ZNF654: variants seen among roughly 807,000 people sequenced by gnomAD.
The protein encoded by ZNF654 is melanoma-associated antigen.
ZNF654 carries 19 observed loss-of-function variants against 95.3 expected under a neutral mutation model. The ratio of observed to expected loss-of-function variants is 0.20; its 90% CI spans 0.14 to 0.29. The LOEUF is 0.29. Ranked by LOEUF, ZNF654 falls within the 10% of genes least tolerant of loss-of-function variation. The probability of loss-of-function intolerance (pLI) is 1.00; values close to 1 mark genes in which losing one functional copy is unlikely to be tolerated. For synonymous variants in ZNF654, 413 were observed against 457.9 expected (o/e 0.90, Z 1.25); for missense variants, 1,046 against 1,341.0 (o/e 0.78, Z 3.44).
Position 88,128,306 on chromosome 3 carries a change from TTTAAA to T in ZNF654, c.551-501_551-497del, listed in dbSNP as rs572249885. On this transcript the variant is annotated intron_variant, in intron 4 of 8. Transcript: ENST00000636215. Reference sequence around the variant, plus strand: ...GCACTACTTTTGGATTAATTTTATCTTTAAATAAAATATATTTTTCTTGTGATTCA... The same window carrying T: ...GCACTACTTTTGGATTAATTTTATCTTAAAATATATTTTTCTTGTGATTCA... Among the ~76,000 whole-genome samples, 440 of 152,264 alleles carry T rather than the reference TTTAAA, an allele frequency of 2.9e-3. 5 individuals are homozygous for T. Among genetic ancestry groups the T allele is most frequent in the African/African-American group, 0.01 (433 of 41,590 alleles).
intron 1 of ZNF654, among the ~76,000 whole-genome samples, chr3:88,063,147 A>T (rs1335705773): frequency 1.3e-5 from 2 of 152,160 alleles, no homozygotes; most frequent in Admixed American, 6.5e-5. Context: ...TGCTGCTGAC[A>T]TCTAGTGCAT....
chr3:88,138,779 C>A lies in ZNF654; in HGVS notation c.1110C>A (p.Pro370=). 8.1e-7 allele frequency: 1 copy of A among 1,232,008 alleles called. No individual in the cohort carries two copies. Among genetic ancestry groups the A allele is most frequent in the Non-Finnish European group, 1.0e-6 (1 of 987,908 alleles). 76.3% of individuals were successfully genotyped at this position (1,232,008 alleles called of 1,614,324 possible). ...CALQLDLHDD[P]KTKCLIYKTI... Reference sequence around the variant, plus strand: ...TACAACTCGACCTTCATGATGATCCCAAAACTAAATGTCTAATTTATAAAA... The same window carrying A: ...TACAACTCGACCTTCATGATGATCCAAAAACTAAATGTCTAATTTATAAAA... Residue 370 remains proline, a synonymous_variant, in exon 8 of 9, where the codon CCC becomes CCA. Coordinates refer to ENST00000636215, the MANE Select transcript of ZNF654 (RefSeq NM_001350134.2).
rs1707193982 is a variant in ZNF654, at chr3:88,142,771, A to G, written c.*1119A>G. ...CTCTGGTCTGAACAGTAATTTTTAT[A>G]TGTAAAAGGAAGTATTTACACAAAA... On this transcript the variant is annotated 3_prime_UTR_variant, in exon 9 of 9. Coordinates refer to ENST00000636215, the MANE Select transcript of ZNF654 (RefSeq NM_001350134.2). The G allele has an allele frequency of 6.6e-6, 1 of 152,336 alleles. No individual in the cohort carries two copies. Among genetic ancestry groups the G allele is most frequent in the Non-Finnish European group, 1.5e-5 (1 of 67,822 alleles). The allele number at this position is 152,336 out of a possible 1,614,324, so 9.4% of individuals were successfully genotyped here.
intron 3 of ZNF654, among the ~76,000 whole-genome samples, chr3:88,116,993 A>T (rs569326073): frequency 7.2e-5 from 11 of 152,228 alleles, no homozygotes; most frequent in Admixed American, 2.0e-4. Flanking sequence ...GTTTAAAAAA[A>T]TTTTTTCTTA....
chr3:88,103,227 G>T (rs763538691), intron 2 of ZNF654, among the ~76,000 whole-genome samples: 1 of 152,186 alleles, frequency 6.6e-6, no homozygotes. Context: ...ACTAGATCCC[G>T]ATATAAAGGC....
At chr3:88,113,035 A>G in intron 2 of ZNF654, 80 bp from the exon 3 acceptor site, 1 of 901,828 alleles carries the variant, frequency 1.1e-6, no homozygotes, top group Non-Finnish European at 1.6e-6. Context: ...TTGATATTAG[A>G]TAGCTGATAC....
intron 2 of ZNF654, among the ~76,000 whole-genome samples, chr3:88,100,555 C>T (rs1704351115): frequency 6.6e-6 from 1 of 152,118 alleles, no homozygotes; most frequent in Admixed American, 6.5e-5. Flanking sequence ...GACTTTGAAC[C>T]AACTCAAATG....
At chr3:88,076,745 T>C (rs1175019833) in intron 1 of ZNF654, among the ~76,000 whole-genome samples, 1 of 152,228 alleles carries the variant, frequency 6.6e-6, no homozygotes, top group Non-Finnish European at 1.5e-5. Context: ...GACGGAAGCA[T>C]TTAATATATT....
intron 1 of ZNF654, among the ~76,000 whole-genome samples, chr3:88,084,368 G>A (rs1216120914): frequency 1.3e-5 from 2 of 152,192 alleles, no homozygotes; most frequent in South Asian, 2.1e-4. Flanking sequence ...ACCGGAGTAG[G>A]GGTTTGGTAA....
chr3:88,091,353 T>G (rs1445397956), intron 2 of ZNF654, among the ~76,000 whole-genome samples: 1 of 152,240 alleles, frequency 6.6e-6, no homozygotes, highest in Non-Finnish European at 1.5e-5. Context: ...TTTTGCAGAT[T>G]ACCAAAACTG....
At chr3:88,080,326 G>A (rs1485145518) in intron 1 of ZNF654, among the ~76,000 whole-genome samples, 1 of 152,106 alleles carries the variant, frequency 6.6e-6, no homozygotes, top group Non-Finnish European at 1.5e-5. Context: ...ACTAAAGCAA[G>A]CTTAATTTTG....
In ZNF654 at chr3:88,143,481, C is replaced by A. The variant is rs1559741752; in HGVS notation, c.*1829C>A. 6.6e-6 allele frequency: 1 copy of A among 152,132 alleles called. No homozygotes were observed. The highest frequency in any genetic ancestry group is 2.4e-5 in the African/African-American group (1 of 41,362). 9.4% of individuals were successfully genotyped at this position (152,132 alleles called of 1,614,324 possible). A position where few individuals can be genotyped will look rare whatever the true frequency, so the allele number is the denominator to read the frequency against. On this transcript the variant is annotated 3_prime_UTR_variant, in exon 9 of 9. Coordinates refer to ENST00000636215, the MANE Select transcript of ZNF654 (RefSeq NM_001350134.2). ...ATTTTAGTTCATTCTAAAAGTATGTCTTGTAATAAAAAGTCTGTTTGGAAA... is the reference window on the plus strand; with the variant it reads ...ATTTTAGTTCATTCTAAAAGTATGTATTGTAATAAAAAGTCTGTTTGGAAA...
intron 2 of ZNF654, among the ~76,000 whole-genome samples, chr3:88,092,663 C>T (rs982841601): frequency 2.6e-5 from 4 of 151,832 alleles, no homozygotes; most frequent in African/African-American, 9.7e-5. Flanking sequence ...TTTTTATTTG[C>T]TTGACATATG....
rs1409139479 is a variant in ZNF654 at position 88,142,414 on chromosome 3, C to T, written c.*762C>T. On this transcript the variant is annotated 3_prime_UTR_variant, in exon 9 of 9. Transcript: ENST00000636215. ...CAGTGTCAATAAAATAGAAAAAAAC[C>T]GATCAGTACTCTGGGGAGAGATGAA... The T allele has an allele frequency of 2.6e-5, 4 of 152,086 alleles. No homozygotes were observed. The highest frequency in any genetic ancestry group is 5.9e-5 in the Non-Finnish European group (4 of 67,778). The allele number at this position is 152,086 out of a possible 1,614,324, so 9.4% of individuals were successfully genotyped here. A position where few individuals can be genotyped will look rare whatever the true frequency, so the allele number is the denominator to read the frequency against.
intron 2 of ZNF654, among the ~76,000 whole-genome samples, chr3:88,096,912 C>A (rs1461010321): frequency 6.6e-6 from 1 of 152,048 alleles, no homozygotes; most frequent in Non-Finnish European, 1.5e-5. Flanking sequence ...CTCATATTAT[C>A]ATTTTAGACA....
rs771129519 is a variant in ZNF654, at chr3:88,143,145, A to G, written c.*1493A>G. 16 of 152,296 alleles carry G rather than the reference A, an allele frequency of 1.1e-4. No homozygotes were observed. The highest frequency in any genetic ancestry group is 1.6e-4 in the Non-Finnish European group (11 of 67,760). 9.4% of individuals were successfully genotyped at this position (152,296 alleles called of 1,614,324 possible). ...CTATTAGAGCTTCTTGAATGAGGCT[A>G]TTACGGAAGTGGGGAATTTCTTCCA... On this transcript the variant is annotated 3_prime_UTR_variant, in exon 9 of 9. Transcript: ENST00000636215.
intron 6 of ZNF654, among the ~76,000 whole-genome samples, chr3:88,134,700 T>C (rs1460918871): frequency 4.6e-5 from 7 of 152,118 alleles, no homozygotes; most frequent in Non-Finnish European, 8.8e-5. Flanking sequence ...AACATTGTTT[T>C]CTAAATTTAC....
At position 88,140,358 on chromosome 3, in the gene ZNF654, G is replaced by A; in HGVS notation, c.2689G>A (p.Glu897Lys). 6.2e-7 allele frequency: 1 copy of A among 1,612,948 alleles called. No homozygotes were observed. Among genetic ancestry groups the A allele is most frequent in the Non-Finnish European group, 8.5e-7 (1 of 1,179,480 alleles). ...DVQTDSNPNQEKDSSSNEKQT... is the reference protein window; with the variant it reads ...DVQTDSNPNQKKDSSSNEKQT... ...TCAGACAGACTCAAATCCTAATCAG[G>A]AAAAAGACTCATCTAGTAATGAGAA... The change falls in exon 8 of 9, where the codon GAA becomes AAA. Residue 897 changes from glutamate to lysine, a missense_variant. Glu to Lys is a moderately conservative substitution (Grantham distance 56). Coordinates refer to ENST00000636215, the MANE Select transcript of ZNF654 (RefSeq NM_001350134.2).
At chr3:88,096,285 A>G (rs1450096825) in intron 2 of ZNF654, among the ~76,000 whole-genome samples, 1 of 152,110 alleles carries the variant, frequency 6.6e-6, no homozygotes, top group Non-Finnish European at 1.5e-5. Flanking sequence ...AGCTCTAGAA[A>G]TGGAGGGACA....
Sources: allele counts gnomAD v4.1 joint callset (sites outside exome capture counted in the v4.1 genomes callset), GRCh38; gene constraint gnomAD v4.1.1; transcripts MANE v1.5; gene names NCBI Gene and HGNC (gene_info 2026-07-23, HGNC 2026-07-21).